CNTNAP2: variants seen among roughly 807,000 people sequenced by gnomAD.
The protein encoded by CNTNAP2 is contactin associated protein 2.
In CNTNAP2, 98 loss-of-function variants were observed where a neutral mutation model predicts 155.2. That is an observed-to-expected ratio of 0.63 (90% CI 0.54 to 0.75). The LOEUF (loss-of-function observed/expected upper bound fraction) is 0.75, where lower values mean the gene tolerates loss of function less well. Ranked by LOEUF, CNTNAP2 falls within the 30% of genes least tolerant of loss-of-function variation. The probability of loss-of-function intolerance (pLI) is 0.00; values close to 1 mark genes in which losing one functional copy is unlikely to be tolerated. For missense variants in CNTNAP2, 1,727 were observed against 1,688.1 expected (o/e 1.02, Z -0.40); for synonymous variants, 651 against 631.2 (o/e 1.03, Z -0.47).
At chr7:146,534,808 G>C (rs1438897194) in intron 1 of CNTNAP2, among the ~76,000 whole-genome samples, 3 of 151,442 alleles carry the variant, frequency 2.0e-5, no homozygotes, top group Non-Finnish European at 2.9e-5. Flanking sequence ...CTCAGGACTA[G>C]AGTCTAAATC....
intron 20 of CNTNAP2, among the ~76,000 whole-genome samples, chr7:148,251,342 G>C (rs1003835674): frequency 5.3e-5 from 8 of 152,184 alleles, no homozygotes; most frequent in African/African-American, 1.9e-4. Context: ...AGATGCAGGT[G>C]GCAAGATTTG....
At chr7:146,350,137 G>C (rs1563050227) in intron 1 of CNTNAP2, among the ~76,000 whole-genome samples, 2 of 151,980 alleles carry the variant, frequency 1.3e-5, no homozygotes, top group Non-Finnish European at 2.9e-5. Context: ...TTTTCACATA[G>C]TCCCATATTT....
At chr7:148,276,910 G>C (rs1248398794) in intron 21 of CNTNAP2, among the ~76,000 whole-genome samples, 1 of 152,240 alleles carries the variant, frequency 6.6e-6, no homozygotes, top group East Asian at 1.9e-4. Flanking sequence ...ATCTGTGTCT[G>C]ATGATGTCGT....
intron 1 of CNTNAP2, among the ~76,000 whole-genome samples, chr7:146,565,010 G>A (rs770613880): frequency 1.3e-5 from 2 of 152,020 alleles, no homozygotes; most frequent in Non-Finnish European, 2.9e-5. Flanking sequence ...TTCTAATCTA[G>A]TGTTTCTCCT....
At chr7:147,251,343 T>A (rs886159520) in intron 8 of CNTNAP2, among the ~76,000 whole-genome samples, 1 of 152,188 alleles carries the variant, frequency 6.6e-6, no homozygotes, top group Non-Finnish European at 1.5e-5. Flanking sequence ...TCCACATTGC[T>A]CTCTCTGAAC....
chr7:146,594,125 A>T (rs1798824389), intron 1 of CNTNAP2, among the ~76,000 whole-genome samples: 1 of 152,110 alleles, frequency 6.6e-6, no homozygotes. Context: ...ACTGACTCAC[A>T]TCGTGCTTTT....
intron 15 of CNTNAP2, among the ~76,000 whole-genome samples, chr7:148,034,341 C>G (rs1802535003): frequency 6.6e-6 from 1 of 152,034 alleles, no homozygotes; most frequent in African/African-American, 2.4e-5. Flanking sequence ...GAAGGTTGAC[C>G]CCCAATGCAG....
intron 12 of CNTNAP2, among the ~76,000 whole-genome samples, chr7:147,606,293 A>G (rs141983417): frequency 6.6e-6 from 1 of 152,218 alleles, no homozygotes; most frequent in African/African-American, 2.4e-5. Context: ...TGAAAAAGCA[A>G]ATGACAAACA....
At chr7:147,835,975 A>G (rs1013420080) in intron 13 of CNTNAP2, among the ~76,000 whole-genome samples, 6 of 152,288 alleles carry the variant, frequency 3.9e-5, no homozygotes, top group African/African-American at 9.6e-5. Flanking sequence ...TGAGGCCTCC[A>G]TTGTGGACTT....
At chr7:147,304,144 G>A (rs1044431931) in intron 9 of CNTNAP2, among the ~76,000 whole-genome samples, 17 of 152,072 alleles carry the variant, frequency 1.1e-4, no homozygotes, top group Admixed American at 8.5e-4. Flanking sequence ...TGCTAATGCC[G>A]GCAAAGTCTT....
chr7:146,872,716 A>G (rs1189346280), intron 3 of CNTNAP2, among the ~76,000 whole-genome samples: 5 of 152,220 alleles, frequency 3.3e-5, no homozygotes, highest in African/African-American at 1.2e-4. Flanking sequence ...GATAATAGCT[A>G]GAAGGCTTAA....
At chr7:146,261,740 G>A (rs781290889) in intron 1 of CNTNAP2, among the ~76,000 whole-genome samples, 3 of 151,988 alleles carry the variant, frequency 2.0e-5, no homozygotes, top group Non-Finnish European at 4.4e-5. Context: ...CTTTAGCTCA[G>A]AACTATTCTG....
At position 146,756,453 on chromosome 7, in the gene CNTNAP2, T is replaced by G. The variant is rs149403530; in HGVS notation, c.98-17818T>G. ...ATCACTTTCTTGCGGCATTGACATC[T>G]CTAGTATAGCACTTGATAGTATATG... On this transcript the variant is annotated intron_variant, in intron 1 of 23. Transcript: ENST00000361727. 1.4e-3 allele frequency among the ~76,000 whole-genome samples: 219 copies of G among 152,164 alleles called. 1 individual carries two copies. The highest frequency in any genetic ancestry group is 5.0e-3 in the African/African-American group (209 of 41,568).
At chr7:146,707,837 T>C (rs1239862313) in intron 1 of CNTNAP2, among the ~76,000 whole-genome samples, 1 of 152,170 alleles carries the variant, frequency 6.6e-6, no homozygotes, top group Non-Finnish European at 1.5e-5. Flanking sequence ...AGGTTAACTC[T>C]TTGGTTTCAG....
At chr7:146,911,203 T>G (rs530219739) in intron 3 of CNTNAP2, among the ~76,000 whole-genome samples, 40 of 152,190 alleles carry the variant, frequency 2.6e-4, no homozygotes, top group Admixed American at 4.6e-4. Context: ...TTTACACTGT[T>G]GGTGGGACTG....
intron 13 of CNTNAP2, among the ~76,000 whole-genome samples, chr7:147,744,680 T>C (rs1797008626): frequency 6.6e-6 from 1 of 152,226 alleles, no homozygotes; most frequent in South Asian, 2.1e-4. Context: ...AGGGTTGTTT[T>C]CTGGTGAGGG....
At chr7:147,986,750 C>A (rs1403723658) in intron 15 of CNTNAP2, among the ~76,000 whole-genome samples, 1 of 152,114 alleles carries the variant, frequency 6.6e-6, no homozygotes, top group Non-Finnish European at 1.5e-5. Flanking sequence ...GGTATCAGAA[C>A]TCTTAATCTT....
chr7:147,167,587 G>C lies in CNTNAP2; in HGVS notation c.1348+35078G>C, dbSNP rs1250935223. ...GACGATGATGACCTGTGAGAATGAA[G>C]CTGGAGCCCAGCATCAGAAGTCTAG... On this transcript the variant is annotated intron_variant, in intron 8 of 23. Transcript: ENST00000361727. 1.0e-5 allele frequency: 8 copies of C among 772,540 alleles called. No homozygotes were observed. In the Admixed American group the frequency reaches 1.8e-4, roughly 18 times the overall value. 47.9% of individuals were successfully genotyped at this position (772,540 alleles called of 1,614,324 possible). A position where few individuals can be genotyped will look rare whatever the true frequency, so the allele number is the denominator to read the frequency against.
At chr7:146,956,899 T>C (rs949211564) in intron 3 of CNTNAP2, among the ~76,000 whole-genome samples, 1 of 152,156 alleles carries the variant, frequency 6.6e-6, no homozygotes, top group African/African-American at 2.4e-5. Flanking sequence ...TTTAACTGTA[T>C]TCCCATTAAG....
Sources: gnomAD v4.1 joint callset for allele counts (sites outside exome capture counted in the v4.1 genomes callset) on GRCh38, gnomAD v4.1.1 for gene constraint, MANE v1.5 for transcripts, NCBI Gene and HGNC (gene_info 2026-07-23, HGNC 2026-07-21) for gene names.